PCLO: variants seen among roughly 807,000 people sequenced by gnomAD.
The protein encoded by PCLO is protein piccolo.
A neutral mutation model predicts 427.5 loss-of-function variants in PCLO; 82 were observed. The ratio of observed to expected loss-of-function variants is 0.19; its 90% CI spans 0.16 to 0.23. The LOEUF is 0.23. Among genes scored for constraint, PCLO ranks in the 10% least tolerant of loss-of-function variants. The probability of loss-of-function intolerance (pLI) is 1.00; values close to 1 mark genes in which losing one functional copy is unlikely to be tolerated. For synonymous variants in PCLO, 2,357 were observed against 2,155.4 expected (o/e 1.09, Z -2.59); for missense variants, 6,239 against 6,115.9 (o/e 1.02, Z -0.67).
Position 83,155,442 on chromosome 7 carries a change from G to A in PCLO, c.1199C>T (p.Thr400Ile), listed in dbSNP as rs756425116. ...ALAQPPGVGKTPAQQPGPAKP... is the reference protein window; with the variant it reads ...ALAQPPGVGKIPAQQPGPAKP... ...TGCTGGCCCTGGCTGTTGAGCTGGA[G>A]TCTTTCCAACTCCAGGAGGCTGAGC... The change falls in exon 2 of 25, where the codon ACT becomes ATT. Residue 400 changes from threonine (T) to isoleucine (I), a missense_variant. Transcript: ENST00000333891. 9 of 1,613,796 alleles carry A rather than the reference G, an allele frequency of 5.6e-6. No individual in the cohort carries two copies. The South Asian group carries it at 8.8e-5, about 16-fold the overall frequency.
intron 3 of PCLO, among the ~76,000 whole-genome samples, chr7:83,059,357 AATATATATAT>A (rs752009069): frequency 3.3e-4 from 37 of 111,802 alleles, no homozygotes; most frequent in African/African-American, 1.3e-3. Context: ...ACACCTTTAA[AATATATATAT>A]ATATATATAT....
rs748018357 is a variant in PCLO, at chr7:82,954,658, C to T, written c.6295G>A (p.Asp2099Asn). ...GTCAAAGAGGCATCTGGCATTCTGT[C>T]AAAGTCCATGGTGGACTCTGTCATA... Reference protein sequence around the residue: ...EDMTESTMDFDRMPDASLTSS... With the variant: ...EDMTESTMDFNRMPDASLTSS... The change falls in exon 5 of 25, where the codon GAC becomes AAC. Residue 2099 changes from aspartate (D) to asparagine (N), a missense_variant. This residue lies in a region of PCLO where 4,677 missense variants were observed against 4,468.4 expected (regional missense o/e 1.05). Transcript: ENST00000333891. 4.1e-5 allele frequency: 66 copies of T among 1,613,836 alleles called. No individual in the cohort carries two copies. The highest frequency in any genetic ancestry group is 3.3e-4 in the Middle Eastern group (2 of 6,084).
intron 10 of PCLO, among the ~76,000 whole-genome samples, chr7:82,850,197 C>A (rs1470581067): frequency 6.6e-6 from 1 of 151,860 alleles, no homozygotes; most frequent in Non-Finnish European, 1.5e-5. Flanking sequence ...TTAGTAGAGA[C>A]AGGGTTTCAC....
At chr7:82,819,304 A>G (rs965412070) in intron 20 of PCLO, among the ~76,000 whole-genome samples, 7 of 152,218 alleles carry the variant, frequency 4.6e-5, no homozygotes, top group East Asian at 3.9e-4. Flanking sequence ...GAGAATATCT[A>G]TTAGAACACT....
rs201688988 is a variant in PCLO at position 82,792,288 on chromosome 7, G to GTTTT, written c.15007+9226_15007+9229dup. On this transcript the variant is annotated intron_variant, in intron 22 of 24. Transcript: ENST00000333891. ...TTATGCAGTTTGATTCCTATTGCTT[G>GTTTT]TTTTTCATTTCTTCATATAACAAAA... Among the ~76,000 whole-genome samples, 444 of 149,582 alleles carry GTTTT rather than the reference G, an allele frequency of 3.0e-3. 2 individuals carry two copies. Among genetic ancestry groups the GTTTT allele is most frequent in the African/African-American group, 0.011 (436 of 40,882 alleles).
chr7:82,824,963 T>C (rs761700181), intron 18 of PCLO, among the ~76,000 whole-genome samples: 26 of 151,700 alleles, frequency 1.7e-4, no homozygotes, highest in Non-Finnish European at 2.4e-4. Context: ...AACAAACAAA[T>C]AAACAAACAA....
chr7:83,052,735 C>T (rs1193379071), intron 3 of PCLO, among the ~76,000 whole-genome samples: 1 of 151,952 alleles, frequency 6.6e-6, no homozygotes, highest in Non-Finnish European at 1.5e-5. Flanking sequence ...TTTGTACTAA[C>T]TAGAAACAAA....
At chr7:83,057,345 T>TTTG (rs1789419060) in intron 3 of PCLO, among the ~76,000 whole-genome samples, 1 of 20,602 alleles carries the variant, frequency 4.9e-5, no homozygotes, top group Non-Finnish European at 8.4e-5. Context: ...TATATATATA[T>TTTG]ATATTTTTTT....
intron 7 of PCLO, among the ~76,000 whole-genome samples, chr7:82,910,989 T>C (rs1457420806): frequency 6.6e-6 from 1 of 152,110 alleles, no homozygotes; most frequent in Non-Finnish European, 1.5e-5. Flanking sequence ...TTTTAATAAA[T>C]TAATATCCTT....
intron 10 of PCLO, among the ~76,000 whole-genome samples, chr7:82,874,829 A>G (rs117569239): frequency 0.012 from 1,788 of 152,304 alleles, 16 homozygotes; most frequent in Non-Finnish European, 0.019. Flanking sequence ...GTTCAACAAG[A>G]AATACCAATG....
At chr7:82,785,879 T>C (rs747646126) in intron 22 of PCLO, among the ~76,000 whole-genome samples, 3 of 152,104 alleles carry the variant, frequency 2.0e-5, no homozygotes, top group Non-Finnish European at 4.4e-5. Context: ...AGAAAGGACA[T>C]GTCAGGAGAT....
At chr7:83,096,324 G>A (rs915988604) in intron 3 of PCLO, among the ~76,000 whole-genome samples, 4 of 151,972 alleles carry the variant, frequency 2.6e-5, no homozygotes, top group Non-Finnish European at 5.9e-5. Flanking sequence ...TTCCACATCT[G>A]CACTTCAGAA....
chr7:83,057,734 A>G (rs1373700767), intron 3 of PCLO, among the ~76,000 whole-genome samples: 1 of 152,006 alleles, frequency 6.6e-6, no homozygotes, highest in Non-Finnish European at 1.5e-5. Flanking sequence ...CTTTACTTGA[A>G]ACATAAAATT....
At position 82,953,579 on chromosome 7, in the gene PCLO, A is replaced by T. The variant is rs1795419542; in HGVS notation, c.7374T>A (p.Ala2458=). 6.2e-7 allele frequency: 1 copy of T among 1,612,578 alleles called. No homozygotes were observed. The highest frequency in any genetic ancestry group is 8.5e-7 in the Non-Finnish European group (1 of 1,179,164). Residue 2458 remains alanine (A), a synonymous_variant, in exon 5 of 25, where the codon GCT becomes GCA. Transcript: ENST00000333891. ...PVTTATPLFD[A]VTTLETTAVL... ...CAGCTGTGGTCTCTAGAGTAGTAAC[A>T]GCATCAAACAGAGGTGTAGCTGTAG...
At chr7:82,913,127 C>G (rs895359077) in intron 7 of PCLO, among the ~76,000 whole-genome samples, 2 of 151,752 alleles carry the variant, frequency 1.3e-5, no homozygotes, top group Non-Finnish European at 2.9e-5. Context: ...AATAAAAAAC[C>G]CACAAATTGA....
rs991367519 is a variant in PCLO, at chr7:83,131,647, T to C, written c.3300+2603A>G. Reference sequence around the variant, plus strand: ...TCTTTTCTTGAGGGAATACCATTTATTTGGACTTCAGGCCTAAAATCTGAG... The same window carrying C: ...TCTTTTCTTGAGGGAATACCATTTACTTGGACTTCAGGCCTAAAATCTGAG... On this transcript the variant is annotated intron_variant, in intron 3 of 24. Transcript: ENST00000333891. Among the ~76,000 whole-genome samples, 9 of 152,116 alleles carry C rather than the reference T, an allele frequency of 5.9e-5. No individual in the cohort carries two copies. In the East Asian group the frequency reaches 1.4e-3, roughly 23 times the overall value.
At chr7:82,924,417 A>G (rs952257428) in intron 6 of PCLO, among the ~76,000 whole-genome samples, 2 of 152,136 alleles carry the variant, frequency 1.3e-5, no homozygotes, top group African/African-American at 4.8e-5. Flanking sequence ...TTAATAATAC[A>G]GTTTTATTAG....
At chr7:82,798,468 C>T (rs1011568148) in intron 22 of PCLO, among the ~76,000 whole-genome samples, 1 of 152,106 alleles carries the variant, frequency 6.6e-6, no homozygotes. Context: ...TCAAAACAAA[C>T]AAAACACTGA....
At chr7:83,138,758 A>G (rs981808850) in intron 2 of PCLO, among the ~76,000 whole-genome samples, 9 of 151,898 alleles carry the variant, frequency 5.9e-5, no homozygotes, top group African/African-American at 1.2e-4. Context: ...GGTAGATACC[A>G]TAAGTGGGAG....
Sources: gnomAD v4.1 joint callset for allele counts (sites outside exome capture counted in the v4.1 genomes callset) on GRCh38, gnomAD v4.1.1 for gene constraint, gnomAD v4.1.1 regional missense constraint, MANE v1.5 for transcripts, NCBI Gene and HGNC (gene_info 2026-07-23, HGNC 2026-07-21) for gene names.